ZEB1: variants seen among roughly 807,000 people sequenced by gnomAD.
ZEB1 encodes the protein zinc finger E-box-binding homeobox 1.
ZEB1 carries 21 observed loss-of-function variants against 84.9 expected under a neutral mutation model. The ratio of observed to expected loss-of-function variants is 0.25; its 90% CI spans 0.18 to 0.36. The LOEUF is 0.36. Among genes scored for constraint, ZEB1 ranks in the 10% least tolerant of loss-of-function variants. The pLI is 1.00. For synonymous variants in ZEB1, 420 were observed against 471.1 expected (o/e 0.89, Z 1.41); for missense variants, 1,104 against 1,330.2 (o/e 0.83, Z 2.65).
chr10:31,383,536 A>C (rs1188774731), intron 1 of ZEB1, among the ~76,000 whole-genome samples: 1 of 152,190 alleles, frequency 6.6e-6, no homozygotes, highest in African/African-American at 2.4e-5. Flanking sequence ...GGAAATAGGT[A>C]ATTTTTTTAA....
chr10:31,412,544 A>G (rs944097818), intron 1 of ZEB1, among the ~76,000 whole-genome samples: 1 of 152,178 alleles, frequency 6.6e-6, no homozygotes, highest in Non-Finnish European at 1.5e-5. Flanking sequence ...TTTGCTGAGA[A>G]TGATGGTGTC....
intron 1 of ZEB1, among the ~76,000 whole-genome samples, chr10:31,361,844 G>T (rs2043171444): frequency 2.7e-5 from 4 of 150,596 alleles, no homozygotes; most frequent in Admixed American, 2.6e-4. Context: ...ACGGTGAGGA[G>T]GCCGGGCAGA....
At chr10:31,458,325 GTGTGTGTGTGT>G (rs1197090998) in intron 1 of ZEB1, among the ~76,000 whole-genome samples, 4,025 of 126,504 alleles carry the variant, frequency 0.032, 162 homozygotes, top group African/African-American at 0.18. Flanking sequence ...GTGTGTGTGT[GTGTGTGTGTGT>G]TGTGTGTGTG....
chr10:31,358,661 A>C (rs537946825), intron 1 of ZEB1: 91 of 152,306 alleles, frequency 6.0e-4, no homozygotes, highest in African/African-American at 2.2e-3. Flanking sequence ...AGTATAATTT[A>C]TGGGATAATT....
At chr10:31,365,940 A>G (rs1404213816) in intron 1 of ZEB1, among the ~76,000 whole-genome samples, 1 of 152,234 alleles carries the variant, frequency 6.6e-6, no homozygotes, top group East Asian at 1.9e-4. Flanking sequence ...CATTCTGTGC[A>G]TTAAACCGTT....
chr10:31,527,392 TAAA>T lies in ZEB1; in HGVS notation c.*133_*135del. On this transcript the variant is annotated 3_prime_UTR_variant, in exon 9 of 9. Transcript: ENST00000424869. ...GTTCACTACTGTGTAAAGTAAAAAC[TAAA>T]AAAATACAAAATACAAAACACACAC... 1.8e-6 allele frequency: 2 copies of T among 1,111,356 alleles called. No individual in the cohort carries two copies. The highest frequency in any genetic ancestry group is 2.5e-6 in the Non-Finnish European group (2 of 793,744). 68.8% of individuals were successfully genotyped at this position (1,111,356 alleles called of 1,614,324 possible). A position where few individuals can be genotyped will look rare whatever the true frequency, so the allele number is the denominator to read the frequency against.
chr10:31,405,925 T>C (rs2052923578), intron 1 of ZEB1, among the ~76,000 whole-genome samples: 1 of 152,146 alleles, frequency 6.6e-6, no homozygotes, highest in Non-Finnish European at 1.5e-5. Flanking sequence ...CTCCCACTTA[T>C]GAGTGAGAAC....
At chr10:31,405,129 G>A (rs2052737367) in intron 1 of ZEB1, among the ~76,000 whole-genome samples, 1 of 152,096 alleles carries the variant, frequency 6.6e-6, no homozygotes, top group Non-Finnish European at 1.5e-5. Context: ...CCTTTTCCCA[G>A]ATTAGCCAAA....
At chr10:31,367,602 C>T (rs747311164) in intron 1 of ZEB1, among the ~76,000 whole-genome samples, 6 of 152,074 alleles carry the variant, frequency 3.9e-5, no homozygotes, top group Admixed American at 6.5e-5. Context: ...AGTAACTTGT[C>T]GCCAAAATGA....
At position 31,414,091 on chromosome 10, in the gene ZEB1, A is replaced by G. The variant is rs560591862; in HGVS notation, c.59-46946A>G. Among the ~76,000 whole-genome samples, 8 of 152,308 alleles carry G rather than the reference A, an allele frequency of 5.3e-5. No homozygotes were observed. The South Asian group carries it at 1.4e-3, about 28-fold the overall frequency. On this transcript the variant is annotated intron_variant, in intron 1 of 8. Coordinates refer to ENST00000424869, the MANE Select transcript of ZEB1 (RefSeq NM_001174096.2). The stretch of plus-strand genomic sequence containing the variant: ...TTTACCCTTTTTAATCATAGGTACA[A>G]TCTTTTGCAAGTTGCTTTATCTCTC...
At chr10:31,320,094 G>C (rs1038547934) in intron 1 of ZEB1, 2 of 151,610 alleles carry the variant, frequency 1.3e-5, no homozygotes, top group African/African-American at 4.8e-5. Context: ...CCTCCCTGGC[G>C]CCTCCCGCTG....
intron 2 of ZEB1, among the ~76,000 whole-genome samples, chr10:31,466,007 T>G (rs1218439259): frequency 6.6e-6 from 1 of 152,138 alleles, no homozygotes; most frequent in Non-Finnish European, 1.5e-5. Flanking sequence ...AAATAAATTT[T>G]AAGTAAAAAA....
At chr10:31,376,189 C>G (rs1188865823) in intron 1 of ZEB1, among the ~76,000 whole-genome samples, 1 of 151,694 alleles carries the variant, frequency 6.6e-6, no homozygotes, top group African/African-American at 2.4e-5. Flanking sequence ...TGCCATAGGT[C>G]TTGCAGGGAA....
chr10:31,365,298 G>T (rs1043177889), intron 1 of ZEB1, among the ~76,000 whole-genome samples: 1 of 152,094 alleles, frequency 6.6e-6, no homozygotes, highest in Admixed American at 6.6e-5. Context: ...CACACATGAT[G>T]CCCTAAATAT....
intron 1 of ZEB1, among the ~76,000 whole-genome samples, chr10:31,452,701 A>ATGTGTGTGTGTGTGTG (rs377004895): frequency 3.3e-5 from 3 of 90,248 alleles, no homozygotes; most frequent in African/African-American, 7.3e-5. Flanking sequence ...TTAGGATAAA[A>ATGTGTGTGTGTGTGTG]TGTGTGTGTG....
intron 1 of ZEB1, among the ~76,000 whole-genome samples, chr10:31,357,358 G>A (rs2042287352): frequency 1.3e-5 from 2 of 152,152 alleles, no homozygotes; most frequent in Admixed American, 1.3e-4. Context: ...TGAGAGTGTA[G>A]TGGTTCTCTG....
intron 2 of ZEB1, among the ~76,000 whole-genome samples, chr10:31,494,946 A>G (rs1159674962): frequency 6.6e-6 from 1 of 152,054 alleles, no homozygotes; most frequent in African/African-American, 2.4e-5. Flanking sequence ...TGATTACTAC[A>G]TATCAGTAAT....
chr10:31,497,459 G>A (rs1413382423), intron 3 of ZEB1, among the ~76,000 whole-genome samples: 15 of 152,050 alleles, frequency 9.9e-5, no homozygotes, highest in Admixed American at 8.5e-4. Flanking sequence ...TCTCCCCCAC[G>A]TACACAATGA....
intron 1 of ZEB1, among the ~76,000 whole-genome samples, chr10:31,448,472 G>T (rs901337138): frequency 2.7e-5 from 4 of 148,300 alleles, no homozygotes; most frequent in African/African-American, 1.0e-4. Flanking sequence ...GCGTTCCTTT[G>T]GAGGAGGAGA....
Sources: allele counts gnomAD v4.1 joint callset (sites outside exome capture counted in the v4.1 genomes callset), GRCh38; gene constraint gnomAD v4.1.1; transcripts MANE v1.5; gene names NCBI Gene and HGNC (gene_info 2026-07-23, HGNC 2026-07-21).